AQP4: variants seen among roughly 807,000 people sequenced by gnomAD.
AQP4 encodes aquaporin-4.
Under a neutral mutation model 27.8 loss-of-function variants are expected in AQP4, and 18 were observed. The ratio of observed to expected loss-of-function variants is 0.65; its 90% confidence interval spans 0.45 to 0.96. The LOEUF (loss-of-function observed/expected upper bound fraction) is 0.96. AQP4 is among the 40% of genes least tolerant of loss of function. The probability of loss-of-function intolerance (pLI) is 0.00; values close to 1 mark genes in which losing one functional copy is unlikely to be tolerated. For missense variants in AQP4, 412 were observed against 408.2 expected (o/e 1.01, Z -0.08); for synonymous variants, 141 against 142.9 (o/e 0.99, Z 0.10).
In AQP4 at chr18:26,861,187, T is replaced by G. The variant is rs763370831; in HGVS notation, c.556A>C (p.Thr186Pro). 1 of 1,614,116 alleles carries G rather than the reference T, an allele frequency of 6.2e-7. No homozygotes were observed. Among genetic ancestry groups the G allele is most frequent in the Non-Finnish European group, 8.5e-7 (1 of 1,179,974 alleles). The change falls in exon 3 of 5, where the codon ACT (threonine) becomes CCT (proline). Residue 186 changes from threonine to proline, a missense_variant. Thr to Pro is a conservative substitution (Grantham distance 38). Coordinates refer to ENST00000383168, the MANE Select transcript of AQP4 (RefSeq NM_001650.7). ...CCAATTGCTAAAGCTATTGAGCCAG[T>G]GACATCAGTCCGTTTGGAATCACAG... Reference protein sequence around the residue: ...ASCDSKRTDVTGSIALAIGFS... With the variant: ...ASCDSKRTDVPGSIALAIGFS...
chr18:26,861,366 G>GT, intron 2 of AQP4, 71 bp from the exon 3 acceptor site: 1 of 1,443,948 alleles, frequency 6.9e-7, no homozygotes, highest in Non-Finnish European at 9.7e-7. Flanking sequence ...TAATATCATT[G>GT]TGAAAGGCAC....
Position 26,862,518 on chromosome 18 carries a change from T to C in AQP4, c.111A>G (p.Ala37=). ...GCATGGCCAGAAATTCCGCTGTGACTGCTTTCCAGAAAGCTTGAGTCCAGA... is the reference window on the plus strand; with the variant it reads ...GCATGGCCAGAAATTCCGCTGTGACCGCTTTCCAGAAAGCTTGAGTCCAGA... The part of the protein sequence containing the change: ...KGVWTQAFWK[A]VTAEFLAMLI... Residue 37 remains alanine, a synonymous_variant, in exon 2 of 5, where the codon GCA becomes GCG. Transcript: ENST00000383168. The C allele has an allele frequency of 6.2e-7, 1 of 1,614,224 alleles. No individual in the cohort carries two copies. The highest frequency in any genetic ancestry group is 2.2e-5 in the East Asian group (1 of 44,884).
Position 26,860,778 on chromosome 18 carries a change from G to T in AQP4, c.687C>A (p.Asn229Lys). The T allele has an allele frequency of 6.2e-7, 1 of 1,613,468 alleles. No homozygotes were observed. The highest frequency in any genetic ancestry group is 8.5e-7 in the Non-Finnish European group (1 of 1,179,428). ...CTATCAATATGAGGGTTACCCAATG[G>T]TTTTCCCAATTTCCCATGATAACTG... ...GPAVIMGNWE[N>K]HWIYWVGPII... The change falls in exon 4 of 5, where the codon AAC becomes AAA. Residue 229 changes from asparagine (N) to lysine (K), a missense_variant. Transcript: ENST00000383168.
intron 4 of AQP4, among the ~76,000 whole-genome samples, chr18:26,859,345 C>A (rs1267007954): frequency 6.6e-6 from 1 of 152,020 alleles, no homozygotes; most frequent in Non-Finnish European, 1.5e-5. Context: ...CATGGTGAAA[C>A]CCTGTCTCTA....
chr18:26,858,097 C>G (rs1198499531), intron 4 of AQP4, among the ~76,000 whole-genome samples: 2 of 151,966 alleles, frequency 1.3e-5, no homozygotes, highest in African/African-American at 4.8e-5. Flanking sequence ...TGGTGAAACC[C>G]TGTCTCTACA....
At chr18:26,860,707 A>T in intron 4 of AQP4, 65 bp downstream of exon 4, 1 of 1,415,804 alleles carries the variant, frequency 7.1e-7, no homozygotes, top group Admixed American at 1.7e-5. Flanking sequence ...AATGAAAAAT[A>T]AAAGAGCCCC....
Position 26,862,265 on chromosome 18 carries a change from G to A in AQP4, c.364C>T (p.Gln122Ter). The A allele has an allele frequency of 6.2e-7, 1 of 1,614,174 alleles. No individual in the cohort carries two copies. The highest frequency in any genetic ancestry group is 8.5e-7 in the Non-Finnish European group (1 of 1,180,044). Residue 122 changes from glutamine (Q) to a stop codon, truncating the protein, a stop_gained, in exon 2 of 5, where the codon CAG becomes TAG. Transcript: ENST00000383168. LOFTEE classifies it high-confidence loss of function. ...GCTCCAATGATGGCCCCCAGGCACT[G>A]GGCTGCGATGTAGAAGACAGACTTG... ...IAKSVFYIAA[Q>*]CLGAIIGAGI...
At position 26,855,756 on chromosome 18, in the gene AQP4, T is replaced by A. The variant is rs747031622; in HGVS notation, c.*455A>T. Reference sequence around the variant, plus strand: ...ATAAAAGAACTTGTTATATTTTCTCTCTTGAATGTGCATGACTGTGACATA... The same window carrying A: ...ATAAAAGAACTTGTTATATTTTCTCACTTGAATGTGCATGACTGTGACATA... On this transcript the variant is annotated 3_prime_UTR_variant, in exon 5 of 5. Transcript: ENST00000383168. The A allele has an allele frequency of 5.1e-6, 1 of 197,060 alleles. No individual in the cohort carries two copies. Among genetic ancestry groups the A allele is most frequent in the Non-Finnish European group, 1.1e-5 (1 of 94,638 alleles). The allele number at this position is 197,060 out of a possible 1,614,324, so 12.2% of individuals were successfully genotyped here.
rs1046687895 is a variant in AQP4 at position 26,861,226 on chromosome 18, T to TAAAC, written c.513_516dup (p.Thr173ValfsTer8). 6.2e-7 allele frequency: 1 copy of TAAAC among 1,613,970 alleles called. No homozygotes were observed. Among genetic ancestry groups the TAAAC allele is most frequent in the African/African-American group, 1.3e-5 (1 of 74,936 alleles). On this transcript the variant is annotated frameshift_variant, in exon 3 of 5. Coordinates refer to ENST00000383168, the MANE Select transcript of AQP4 (RefSeq NM_001650.7). LOFTEE classifies it high-confidence loss of function. ...TTGGAATCACAGCTGGCAAAGATAG[T>TAAAC]AAACACCAATTGAAATGTGATTATC...
chr18:26,857,722 A>G (rs540533946), intron 4 of AQP4, among the ~76,000 whole-genome samples: 7 of 152,284 alleles, frequency 4.6e-5, no homozygotes, highest in African/African-American at 1.4e-4. Context: ...GTGCTGTAGA[A>G]TATTAGACAT....
In AQP4 at chr18:26,854,399, A is replaced by G. The variant is rs2144943106; in HGVS notation, c.*1812T>C. 6.6e-6 allele frequency: 1 copy of G among 152,344 alleles called. No homozygotes were observed. Among genetic ancestry groups the G allele is most frequent in the South Asian group, 2.1e-4 (1 of 4,826 alleles). 9.4% of individuals were successfully genotyped at this position (152,344 alleles called of 1,614,324 possible). A position where few individuals can be genotyped will look rare whatever the true frequency, so the allele number is the denominator to read the frequency against. ...TGCAAACCATCTTTGGGAGATTTGTACCCTAGTTTCTATAGGTGCCGTCCC... is the reference window on the plus strand; with the variant it reads ...TGCAAACCATCTTTGGGAGATTTGTGCCCTAGTTTCTATAGGTGCCGTCCC... On this transcript the variant is annotated 3_prime_UTR_variant, in exon 5 of 5. Coordinates refer to ENST00000383168, the MANE Select transcript of AQP4 (RefSeq NM_001650.7).
chr18:26,863,332 G>A (rs1346884829), intron 1 of AQP4: 1 of 152,486 alleles, frequency 6.6e-6, no homozygotes, highest in Admixed American at 6.5e-5. Context: ...GCGGCACGGG[G>A]ACGTGTAAAC....
chr18:26,865,711 G>C (rs369881688), upstream of AQP4: 8 of 1,614,006 alleles, frequency 5.0e-6, no homozygotes, highest in East Asian at 4.5e-5. Context: ...CCAGAGTGCA[G>C]CTCTCATTGC....
At chr18:26,861,925 AG>A (rs1257015594) in intron 2 of AQP4, 1 of 550,586 alleles carries the variant, frequency 1.8e-6, no homozygotes, top group African/African-American at 1.9e-5. Flanking sequence ...GAATGGGAGA[AG>A]GGGAGGAAAA....
intron 4 of AQP4, among the ~76,000 whole-genome samples, chr18:26,857,804 G>A (rs115219085): frequency 0.012 from 1,756 of 152,258 alleles, 41 homozygotes; most frequent in African/African-American, 0.038. Context: ...GCCGTACTTG[G>A]CACTTTTCTT....
chr18:26,857,571 C>T (rs2054866719), intron 4 of AQP4, among the ~76,000 whole-genome samples: 1 of 152,122 alleles, frequency 6.6e-6, no homozygotes, highest in Non-Finnish European at 1.5e-5. Flanking sequence ...CGTGATCCAC[C>T]TGCCTCAGCC....
chr18:26,856,267 G>A lies in AQP4; in HGVS notation c.916C>T (p.Arg306Trp), dbSNP rs757879775. ...TCTTTCCCCTTCTTCTCCTCTCCCC[G>A]GTCAACGTCAATCACATGCACCACT... ...PGVVHVIDVD[R>W]GEEKKGKDQS... The change falls in exon 5 of 5, where the codon CGG (arginine) becomes TGG (tryptophan). Residue 306 changes from arginine to tryptophan, a missense_variant. Transcript: ENST00000383168. 33 of 1,613,970 alleles carry A rather than the reference G, an allele frequency of 2.0e-5. No homozygotes were observed. Among genetic ancestry groups the A allele is most frequent in the South Asian group, 1.5e-4 (14 of 91,076 alleles).
intron 1 of AQP4, among the ~76,000 whole-genome samples, chr18:26,863,997 G>T (rs923821052): frequency 8.9e-6 from 1 of 112,328 alleles, no homozygotes; most frequent in African/African-American, 3.4e-5. Flanking sequence ...CCCCTTTTGG[G>T]GGGGGGGGGC....
At chr18:26,861,717 G>C (rs1446099322) in intron 2 of AQP4, among the ~76,000 whole-genome samples, 1 of 151,930 alleles carries the variant, frequency 6.6e-6, no homozygotes, top group Admixed American at 6.6e-5. Context: ...AATCAGCCCT[G>C]GTGCTGAGTT....
Sources: allele counts gnomAD v4.1 joint callset (sites outside exome capture counted in the v4.1 genomes callset), GRCh38; gene constraint gnomAD v4.1.1; transcripts MANE v1.5; gene names NCBI Gene and HGNC (gene_info 2026-07-23, HGNC 2026-07-21).